PRKAR1A: variants seen among roughly 807,000 people sequenced by gnomAD.
PRKAR1A encodes the protein protein kinase cAMP-dependent type I regulatory subunit alpha.
A neutral mutation model predicts 52.0 loss-of-function variants in PRKAR1A; 3 were observed. The ratio of observed to expected loss-of-function variants is 0.06; its 90% CI spans 0.03 to 0.15. The LOEUF (loss-of-function observed/expected upper bound fraction) is 0.15. Ranked by LOEUF, PRKAR1A falls within the 10% of genes least tolerant of loss-of-function variation. PRKAR1A has a pLI of 1.00. For missense variants in PRKAR1A, 240 were observed against 477.4 expected, an observed-to-expected ratio of 0.50 and a Z score of 4.63; for synonymous variants, 188 against 168.4, an observed-to-expected ratio of 1.12 and a Z score of -0.90.
chr17:68,549,872 A>G (rs761219677), intron 11 of PRKAR1A, among the ~76,000 whole-genome samples: 1 of 152,208 alleles, frequency 6.6e-6, no homozygotes, highest in Non-Finnish European at 1.5e-5. Flanking sequence ...AACACAATGT[A>G]TTTATTTACA....
downstream of PRKAR1A, chr17:68,537,622 T>C (rs1334846449): frequency 6.2e-7 from 1 of 1,613,334 alleles, no homozygotes; most frequent in Non-Finnish European, 8.5e-7. This position sits in a 1 kb window ranked among gnomAD's most constrained non-coding sequence, Gnocchi z 4.2. Flanking sequence ...GGCAAGGAGG[T>C]GGGGTTCAGT....
chr17:68,531,041 AGTT>A lies in PRKAR1A; in HGVS notation c.*599_*601del, dbSNP rs991949687. ...ATTGGTTCAGTTTTTTTTTTTCCAG[AGTT>A]GTTGTTTGCCAAGCTAATCTGCCTG... On this transcript the variant is annotated 3_prime_UTR_variant, in exon 11 of 11. Coordinates refer to ENST00000589228, the MANE Select transcript of PRKAR1A (RefSeq NM_002734.5). 2.1e-5 allele frequency: 22 copies of A among 1,067,366 alleles called. No individual in the cohort carries two copies. The highest frequency in any genetic ancestry group is 1.3e-4 in the African/African-American group (8 of 60,680). The allele number at this position is 1,067,366 out of a possible 1,614,324, so 66.1% of individuals were successfully genotyped here.
At chr17:68,525,958 A>G (rs924504321) in intron 7 of PRKAR1A, 46 bp downstream of exon 7, 15 of 1,596,902 alleles carry the variant, frequency 9.4e-6, no homozygotes, top group Admixed American at 6.7e-5. Flanking sequence ...ATTCTCATCT[A>G]CGTAACTAAT....
the PRKAR1A span, among the ~76,000 whole-genome samples, chr17:68,480,191 T>A: frequency 6.6e-6 from 1 of 152,268 alleles, no homozygotes; most frequent in African/African-American, 2.4e-5. Context: ...TTAGATTCTT[T>A]CTTTAATGTC....
the PRKAR1A span, among the ~76,000 whole-genome samples, chr17:68,437,359 G>A: frequency 3.3e-5 from 5 of 151,828 alleles, no homozygotes; most frequent in African/African-American, 4.8e-5. Flanking sequence ...GTTCGAGATC[G>A]GGCTGGCCAA....
intron 11 of PRKAR1A, chr17:68,542,622 A>T: frequency 4.2e-6 from 5 of 1,177,298 alleles, no homozygotes; most frequent in Non-Finnish European, 6.4e-6. Flanking sequence ...CAGGCCACTG[A>T]TGAATGGAGG....
downstream of PRKAR1A, among the ~76,000 whole-genome samples, chr17:68,533,674 A>G (rs886777710): frequency 2.0e-5 from 3 of 152,212 alleles, no homozygotes; most frequent in Non-Finnish European, 4.4e-5. Context: ...TCAAGAAGCA[A>G]TGGCTAGATA....
chr17:68,535,243 C>G (rs1386046703), downstream of PRKAR1A: 1 of 450,944 alleles, frequency 2.2e-6, no homozygotes, highest in East Asian at 7.0e-5. Context: ...AATTTTGTTA[C>G]TAATCAAAAA....
chr17:68,436,532 A>G, the PRKAR1A span: 282 of 1,553,388 alleles, frequency 1.8e-4, no homozygotes, highest in Non-Finnish European at 2.5e-4. Flanking sequence ...GAGAGATTGC[A>G]CGGCTGGAGA....
chr17:68,537,536 C>T (rs766042943), downstream of PRKAR1A: 2 of 1,613,812 alleles, frequency 1.2e-6, no homozygotes, highest in East Asian at 4.5e-5. This position sits in a 1 kb window ranked among gnomAD's most constrained non-coding sequence, Gnocchi z 4.2. Context: ...GGGCCGTCGA[C>T]TATGACACTC....
intron 11 of PRKAR1A, chr17:68,541,463 ACTT>A (rs1382215960): frequency 1.1e-5 from 2 of 190,364 alleles, no homozygotes; most frequent in African/African-American, 4.7e-5. Flanking sequence ...CTGCCTGGTT[ACTT>A]CTTTTCCCAC....
At chr17:68,489,251 A>ATGGAAAG in the PRKAR1A span, among the ~76,000 whole-genome samples, 38 of 47,274 alleles carry the variant, frequency 8.0e-4, 2 homozygotes, top group African/African-American at 3.6e-3. Flanking sequence ...ATATATATAT[A>ATGGAAAG]TATATATATG....
intron 2 of PRKAR1A, among the ~76,000 whole-genome samples, chr17:68,517,692 A>G (rs2085476721): frequency 6.6e-6 from 1 of 152,194 alleles, no homozygotes; most frequent in African/African-American, 2.4e-5. Context: ...GTGTGGACAC[A>G]GCCAAACCAT....
chr17:68,452,384 G>A, the PRKAR1A span, among the ~76,000 whole-genome samples: 1 of 152,206 alleles, frequency 6.6e-6, no homozygotes, highest in South Asian at 2.1e-4. Flanking sequence ...GGCCAACGTG[G>A]TGAAACCCCG....
chr17:68,459,694 A>G, the PRKAR1A span, among the ~76,000 whole-genome samples: 4 of 152,220 alleles, frequency 2.6e-5, no homozygotes, highest in East Asian at 1.9e-4. Context: ...TGAACTCCAC[A>G]TTGTAAATTT....
Position 68,530,545 on chromosome 17 carries a change from A to G in PRKAR1A, c.*96A>G. ...TCCCTACTTGCAGCGCCAAGTGGCC[A>G]CTGGCATCGCAGCTTCCTGTCTGTT... On this transcript the variant is annotated 3_prime_UTR_variant, in exon 11 of 11. Transcript: ENST00000589228. 1.2e-6 allele frequency: 2 copies of G among 1,607,732 alleles called. No homozygotes were observed. The highest frequency in any genetic ancestry group is 2.2e-5 in the South Asian group (2 of 90,218).
At chr17:68,537,089 T>A (rs1296633388), downstream of PRKAR1A, 1 of 463,214 alleles carries the variant, frequency 2.2e-6, no homozygotes, top group South Asian at 1.5e-5. This position sits in a 1 kb window ranked among gnomAD's most constrained non-coding sequence, Gnocchi z 4.2. Context: ...ATCTTTGACT[T>A]GTAGCTAGAA....
chr17:68,455,446 G>A, the PRKAR1A span, among the ~76,000 whole-genome samples: 7 of 151,584 alleles, frequency 4.6e-5, no homozygotes, highest in Non-Finnish European at 1.0e-4. Flanking sequence ...GTAAGGGTTT[G>A]CTGTTTTCAC....
the PRKAR1A span, among the ~76,000 whole-genome samples, chr17:68,481,775 G>A: frequency 6.6e-6 from 1 of 152,088 alleles, no homozygotes; most frequent in Non-Finnish European, 1.5e-5. Flanking sequence ...TTGTATGCTG[G>A]TCAGTGGGGA....
Sources: gnomAD v4.1 joint callset for allele counts (sites outside exome capture counted in the v4.1 genomes callset) on GRCh38, gnomAD v4.1.1 for gene constraint, Gnocchi (gnomAD v3.1) non-coding constraint, MANE v1.5 for transcripts, NCBI Gene and HGNC (gene_info 2026-07-23, HGNC 2026-07-21) for gene names.